NALF1: variants seen among roughly 807,000 people sequenced by gnomAD.
The protein encoded by NALF1 is NALCN channel auxiliary factor 1, also known as family with sequence similarity 155 member A.
Under a neutral mutation model 48.4 loss-of-function variants are expected in NALF1, and 3 were observed. The ratio of observed to expected loss-of-function variants is 0.06; its 90% CI spans 0.03 to 0.16. The LOEUF (loss-of-function observed/expected upper bound fraction) is 0.16, where lower values mean the gene tolerates loss of function less well. Among genes scored for constraint, NALF1 ranks in the 10% least tolerant of loss-of-function variants. NALF1 has a pLI of 1.00. For synonymous variants in NALF1, 262 were observed against 245.7 expected (o/e 1.07, Z -0.62); for missense variants, 526 against 571.5 (o/e 0.92, Z 0.81).
intron 1 of NALF1, among the ~76,000 whole-genome samples, chr13:107,503,845 G>A (rs1575476): frequency 0.18 from 26,484 of 149,776 alleles, 2,666 homozygotes; most frequent in Middle Eastern, 0.27. Flanking sequence ...CACAACAGTA[G>A]TAGACCTAGA....
intron 1 of NALF1, among the ~76,000 whole-genome samples, chr13:107,637,041 T>C (rs1879996560): frequency 6.6e-6 from 1 of 151,802 alleles, no homozygotes; most frequent in Admixed American, 6.6e-5. Context: ...CTGCCTACGG[T>C]ATCAGTACAG....
intron 1 of NALF1, among the ~76,000 whole-genome samples, chr13:107,497,144 G>A (rs1875364009): frequency 6.6e-6 from 1 of 151,876 alleles, no homozygotes. Flanking sequence ...AATATATACA[G>A]CCTAATAAAT....
intron 1 of NALF1, among the ~76,000 whole-genome samples, chr13:107,783,861 A>G (rs993984720): frequency 3.0e-5 from 4 of 133,942 alleles, no homozygotes; most frequent in Non-Finnish European, 6.4e-5. Flanking sequence ...AATGATCAAT[A>G]AAAATAAAAA....
intron 1 of NALF1, among the ~76,000 whole-genome samples, chr13:107,661,360 T>A (rs1314511773): frequency 1.3e-5 from 2 of 152,220 alleles, no homozygotes; most frequent in Non-Finnish European, 2.9e-5. Flanking sequence ...ATAAAGCATA[T>A]GCCTTATTGT....
chr13:107,781,422 CATTTTGGATCTAT>C (rs1262581445), intron 1 of NALF1, among the ~76,000 whole-genome samples: 2 of 152,068 alleles, frequency 1.3e-5, no homozygotes, highest in East Asian at 3.8e-4. Flanking sequence ...ATCTGATCTA[CATTTTGGATCTAT>C]ACAAAATATT....
intron 2 of NALF1, among the ~76,000 whole-genome samples, chr13:107,172,319 C>T (rs1878824393): frequency 6.6e-6 from 1 of 152,156 alleles, no homozygotes; most frequent in African/African-American, 2.4e-5. Context: ...TCTTACTTAT[C>T]TGTCAATTTA....
At position 107,164,843 on chromosome 13, in the gene NALF1, G is replaced by A. The variant is rs1435637009; in HGVS notation, c.*5654C>T. The A allele has an allele frequency of 6.6e-6, 1 of 152,062 alleles. No individual in the cohort carries two copies. The highest frequency in any genetic ancestry group is 1.5e-5 in the Non-Finnish European group (1 of 68,020). 9.4% of individuals were successfully genotyped at this position (152,062 alleles called of 1,614,324 possible). ...TAAGCCAAAGAAATTCAGAAACTCT[G>A]AACAACTTCCAGGAGCAGTCCCTAT... On this transcript the variant is annotated 3_prime_UTR_variant, in exon 3 of 3. Transcript: ENST00000375915.
At position 107,554,101 on chromosome 13, in the gene NALF1, G is replaced by A. The variant is rs559021736; in HGVS notation, c.915+311581C>T. 8.6e-4 allele frequency among the ~76,000 whole-genome samples: 131 copies of A among 152,316 alleles called. 1 individual carries two copies. The highest frequency in any genetic ancestry group is 3.4e-3 in the Middle Eastern group (1 of 294). Reference sequence around the variant, plus strand: ...CTCATGCAGCTGTATGGGTAAGTGGGTGACATGACAGCAAGCTCCTGACAC... The same window carrying A: ...CTCATGCAGCTGTATGGGTAAGTGGATGACATGACAGCAAGCTCCTGACAC... On this transcript the variant is annotated intron_variant, in intron 1 of 2. Transcript: ENST00000375915.
At chr13:107,420,880 G>T (rs993574697) in intron 1 of NALF1, among the ~76,000 whole-genome samples, 16 of 152,094 alleles carry the variant, frequency 1.1e-4, no homozygotes, top group Non-Finnish European at 1.9e-4. Flanking sequence ...TTAGCTAGAA[G>T]ACATTTCATA....
At chr13:107,210,438 G>A (rs1017813348) in intron 2 of NALF1, 146 bp downstream of exon 2, 4 of 609,134 alleles carry the variant, frequency 6.6e-6, no homozygotes, top group Middle Eastern at 4.5e-4. Flanking sequence ...GGGAGCTTTC[G>A]GTGCTTCTAT....
chr13:107,256,679 A>G (rs1459151814), intron 1 of NALF1, among the ~76,000 whole-genome samples: 1 of 149,280 alleles, frequency 6.7e-6, no homozygotes, highest in African/African-American at 2.5e-5. Context: ...ACAACCAATA[A>G]AAGTTGGGAC....
chr13:107,618,845 C>G (rs1879451685), intron 1 of NALF1, among the ~76,000 whole-genome samples: 1 of 152,172 alleles, frequency 6.6e-6, no homozygotes, highest in African/African-American at 2.4e-5. Flanking sequence ...GGAAACCAGA[C>G]TCACAGTTTG....
intron 1 of NALF1, among the ~76,000 whole-genome samples, chr13:107,456,483 C>T (rs1223117018): frequency 6.6e-6 from 1 of 152,130 alleles, no homozygotes; most frequent in East Asian, 1.9e-4. Context: ...CCATTTGGCC[C>T]ATGTTAGATT....
At chr13:107,540,671 C>A (rs1876974441) in intron 1 of NALF1, among the ~76,000 whole-genome samples, 1 of 152,056 alleles carries the variant, frequency 6.6e-6, no homozygotes, top group Non-Finnish European at 1.5e-5. Flanking sequence ...GAGTAAAAAT[C>A]ATTTAGTCTT....
intron 1 of NALF1, among the ~76,000 whole-genome samples, chr13:107,853,133 T>C (rs1183860555): frequency 1.3e-5 from 2 of 152,240 alleles, no homozygotes; most frequent in African/African-American, 4.8e-5. Context: ...GAGTGCTGTA[T>C]AGTGTCTTCA....
intron 1 of NALF1, among the ~76,000 whole-genome samples, chr13:107,259,201 T>C (rs1392551723): frequency 6.6e-6 from 1 of 152,152 alleles, no homozygotes; most frequent in Non-Finnish European, 1.5e-5. Context: ...CTGATAAACT[T>C]TTTGATGTAA....
At chr13:107,763,813 T>C (rs1470233277) in intron 1 of NALF1, among the ~76,000 whole-genome samples, 1 of 152,182 alleles carries the variant, frequency 6.6e-6, no homozygotes, top group East Asian at 1.9e-4. Flanking sequence ...CTACCAGGTA[T>C]ACAATGATCT....
chr13:107,249,456 C>A (rs900786786), intron 1 of NALF1, among the ~76,000 whole-genome samples: 2 of 152,026 alleles, frequency 1.3e-5, no homozygotes, highest in South Asian at 2.1e-4. Flanking sequence ...ATTGTCTACA[C>A]GAAGTGATGT....
At chr13:107,508,279 A>G (rs1407423174) in intron 1 of NALF1, among the ~76,000 whole-genome samples, 2 of 151,828 alleles carry the variant, frequency 1.3e-5, no homozygotes, top group Non-Finnish European at 2.9e-5. Flanking sequence ...AATGCTCTAA[A>G]CTAATGCATA....
Sources: allele counts gnomAD v4.1 joint callset (sites outside exome capture counted in the v4.1 genomes callset), GRCh38; gene constraint gnomAD v4.1.1; transcripts MANE v1.5; gene names NCBI Gene and HGNC (gene_info 2026-07-23, HGNC 2026-07-21).